Variants in AKAP19 observed in about 807,000 individuals in gnomAD.
AKAP19 encodes the protein A-kinase anchoring protein 19.
At chr2:190,005,093 C>A in the AKAP19 span, among the ~76,000 whole-genome samples, 1 of 152,180 alleles carries the variant, frequency 6.6e-6, no homozygotes, top group Non-Finnish European at 1.5e-5. Context: ...GTCTTGCTGA[C>A]TTCAGGAGTG....
chr2:189,999,702 C>T, the AKAP19 span, among the ~76,000 whole-genome samples: 8 of 152,018 alleles, frequency 5.3e-5, no homozygotes, highest in Non-Finnish European at 1.0e-4. Flanking sequence ...CTAAGGCATA[C>T]GTATGAGAAG....
chr2:190,065,272 G>C, the AKAP19 span, among the ~76,000 whole-genome samples: 6 of 152,130 alleles, frequency 3.9e-5, no homozygotes, highest in Non-Finnish European at 1.5e-5. Context: ...AAGTAGCATG[G>C]TGGTTGCCAG....
At chr2:190,137,722 G>A in the AKAP19 span, 2 of 63,854 alleles carry the variant, frequency 3.1e-5, no homozygotes, top group African/African-American at 9.1e-5. Context: ...GTGAGCAAAT[G>A]TGGTGCTGCC....
chr2:189,928,061 T>A, the AKAP19 span, among the ~76,000 whole-genome samples: 1 of 152,316 alleles, frequency 6.6e-6, no homozygotes, highest in South Asian at 2.1e-4. Context: ...GTCTTTTTAG[T>A]ATTGTTTAAT....
the AKAP19 span, among the ~76,000 whole-genome samples, chr2:190,003,997 T>C: frequency 6.6e-6 from 1 of 152,186 alleles, no homozygotes; most frequent in Non-Finnish European, 1.5e-5. Flanking sequence ...GTTTCCAGAA[T>C]CCAATCACTT....
chr2:190,016,400 T>C, the AKAP19 span, among the ~76,000 whole-genome samples: 2 of 152,174 alleles, frequency 1.3e-5, no homozygotes, highest in South Asian at 4.1e-4. Context: ...TGAAACCATC[T>C]TGTGAGAACT....
chr2:190,129,590 T>C, the AKAP19 span, among the ~76,000 whole-genome samples: 1 of 152,016 alleles, frequency 6.6e-6, no homozygotes, highest in African/African-American at 2.4e-5. Flanking sequence ...AGGGGGAAAG[T>C]AATTAATGTG....
chr2:189,983,079 A>G, the AKAP19 span, among the ~76,000 whole-genome samples: 1 of 152,276 alleles, frequency 6.6e-6, no homozygotes, highest in Admixed American at 6.5e-5. Context: ...GTGGAAAGAT[A>G]TCATGTTGGG....
chr2:190,161,030 C>T, the AKAP19 span, among the ~76,000 whole-genome samples: 1 of 152,204 alleles, frequency 6.6e-6, no homozygotes, highest in African/African-American at 2.4e-5. Flanking sequence ...CTCTAAGAGA[C>T]TGGAATATTT....
the AKAP19 span, among the ~76,000 whole-genome samples, chr2:190,033,897 G>A: frequency 4.6e-5 from 7 of 151,900 alleles, 1 homozygote; most frequent in South Asian, 8.3e-4. Flanking sequence ...ATCTCTCCCC[G>A]CTCATATCCA....
the AKAP19 span, among the ~76,000 whole-genome samples, chr2:190,070,822 C>A: frequency 6.6e-6 from 1 of 152,108 alleles, no homozygotes; most frequent in Admixed American, 6.6e-5. Flanking sequence ...GAGGAGAAAT[C>A]TGATGGGAAG....
At chr2:190,147,851 A>G in the AKAP19 span, among the ~76,000 whole-genome samples, 1 of 152,110 alleles carries the variant, frequency 6.6e-6, no homozygotes, top group South Asian at 2.1e-4. Context: ...ATTTGTGTAC[A>G]TTCATCTTGT....
chr2:190,006,264 G>A, the AKAP19 span, among the ~76,000 whole-genome samples: 4 of 152,146 alleles, frequency 2.6e-5, no homozygotes, highest in Admixed American at 6.5e-5. Flanking sequence ...TTTCTAAGAT[G>A]GTGCTTCCCC....
At chr2:190,088,100 T>C in the AKAP19 span, among the ~76,000 whole-genome samples, 1 of 152,172 alleles carries the variant, frequency 6.6e-6, no homozygotes, top group Non-Finnish European at 1.5e-5. Flanking sequence ...ATTTTAAAGA[T>C]GGCAGAAAGG....
chr2:190,102,514 G>A, the AKAP19 span, among the ~76,000 whole-genome samples: 14 of 151,946 alleles, frequency 9.2e-5, no homozygotes, highest in East Asian at 2.7e-3. Context: ...TTACAATTGA[G>A]CCTACAGAAA....
At chr2:189,910,654 AT>A in the AKAP19 span, among the ~76,000 whole-genome samples, 5 of 151,860 alleles carry the variant, frequency 3.3e-5, no homozygotes, top group Non-Finnish European at 5.9e-5. Flanking sequence ...GCGTAACCAT[AT>A]TTTTTTGCTG....
At chr2:189,984,074 A>G in the AKAP19 span, among the ~76,000 whole-genome samples, 5,226 of 152,312 alleles carry the variant, frequency 0.034, 286 homozygotes, top group African/African-American at 0.11. Flanking sequence ...ACAGGACCAC[A>G]GGACGGAGGC....
chr2:190,026,517 C>G, the AKAP19 span, among the ~76,000 whole-genome samples: 1 of 152,204 alleles, frequency 6.6e-6, no homozygotes, highest in East Asian at 1.9e-4. Context: ...TTAACCAGAG[C>G]CCTGGAACCA....
At chr2:190,077,014 T>G in the AKAP19 span, among the ~76,000 whole-genome samples, 2 of 152,184 alleles carry the variant, frequency 1.3e-5, no homozygotes, top group Non-Finnish European at 2.9e-5. Flanking sequence ...CTATTTCTTC[T>G]GGTACAACTG....
Sources: allele counts gnomAD v4.1 joint callset (sites outside exome capture counted in the v4.1 genomes callset), GRCh38; gene constraint gnomAD v4.1.1; transcripts MANE v1.5; gene names NCBI Gene and HGNC (gene_info 2026-07-23, HGNC 2026-07-21).